Variants in NRK observed in about 807,000 individuals in gnomAD.
NRK encodes the protein Nik related kinase.
NRK carries 67 observed loss-of-function variants against 125.2 expected under a neutral mutation model. The ratio of observed to expected loss-of-function variants is 0.54; its 90% confidence interval spans 0.44 to 0.66. The LOEUF (loss-of-function observed/expected upper bound fraction) is 0.66, where lower values mean the gene tolerates loss of function less well. Ranked by LOEUF, NRK falls within the 30% of genes least tolerant of loss-of-function variation. The probability of loss-of-function intolerance (pLI) is 0.00; values close to 1 mark genes in which losing one functional copy is unlikely to be tolerated. For synonymous variants in NRK, 458 were observed against 429.0 expected, an observed-to-expected ratio of 1.07 and a Z score of -0.84; for missense variants, 1,224 against 1,192.9, an observed-to-expected ratio of 1.03 and a Z score of -0.38.
chrX:105,940,785 C>G (rs2040729428), intron 23 of NRK, among the ~76,000 whole-genome samples: 1 of 111,459 alleles, frequency 9.0e-6, no homozygotes, highest in South Asian at 3.7e-4. Context: ...GCTTCTTTCC[C>G]TCTTCATTAA....
At chrX:105,939,536 G>A (rs2040708897) in intron 22 of NRK, among the ~76,000 whole-genome samples, 1 of 111,074 alleles carries the variant, frequency 9.0e-6, no homozygotes, top group Non-Finnish European at 1.9e-5. Context: ...GAACTCCAGA[G>A]GAGTTATGAC....
intron 2 of NRK, among the ~76,000 whole-genome samples, chrX:105,873,573 T>A (rs1336308932): frequency 1.8e-5 from 2 of 112,014 alleles, no homozygotes; most frequent in African/African-American, 6.5e-5. Flanking sequence ...AATTTTACAC[T>A]GAAATTTCTG....
rs369821864 is a variant in NRK, at chrX:105,881,737, G to A, written c.210G>A (p.Val70=). ...CTTTACCTGAAATAGGAAGGCGAGT[G>A]AGAGTGAATAAATATCAAAAATCTG... The part of the protein sequence containing the change: ...KTPLPEIGRR[V]RVNKYQKSVG... The change falls in exon 4 of 29, where the codon GTG becomes GTA. Residue 70 remains valine, a synonymous_variant. Transcript: ENST00000243300. 9.5e-6 allele frequency: 11 copies of A among 1,156,097 alleles called. No homozygotes were observed. The highest frequency in any genetic ancestry group is 2.5e-5 in the Admixed American group (1 of 39,799).
intron 8 of NRK, 130 bp downstream of exon 8, chrX:105,898,844 A>ATTTCC: frequency 6.4e-6 from 3 of 468,476 alleles, no homozygotes; most frequent in Non-Finnish European, 1.0e-5. Flanking sequence ...CTAGTAGGAA[A>ATTTCC]TACAAGCCTC....
rs767711174 is a variant in NRK, at chrX:105,885,045, C to T, written c.253-3249C>T. Among the ~76,000 whole-genome samples, 3 of 112,145 alleles carry T rather than the reference C, an allele frequency of 2.7e-5. No homozygotes were observed. In the East Asian group the frequency reaches 8.4e-4, roughly 31 times the overall value. The stretch of plus-strand genomic sequence containing the variant: ...ACCTCAAGTGATCCACCTGCCTTAG[C>T]CTCCCAGAGTGCTGGAATTACAGGT... On this transcript the variant is annotated intron_variant, in intron 4 of 28. Coordinates refer to ENST00000243300, the MANE Select transcript of NRK (RefSeq NM_198465.4).
intron 2 of NRK, among the ~76,000 whole-genome samples, chrX:105,856,676 C>T (rs1289797925): frequency 9.0e-6 from 1 of 111,394 alleles, no homozygotes; most frequent in Non-Finnish European, 1.9e-5. Context: ...TTAGGTACAG[C>T]AGTATCTAAA....
At chrX:105,826,377 T>TATA (rs1260289846) in intron 1 of NRK, among the ~76,000 whole-genome samples, 36 of 77,895 alleles carry the variant, frequency 4.6e-4, no homozygotes, top group Non-Finnish European at 6.5e-4. Flanking sequence ...ATTATATATA[T>TATA]TATCATATAT....
intron 2 of NRK, among the ~76,000 whole-genome samples, chrX:105,836,562 A>G: frequency 8.9e-6 from 1 of 112,283 alleles, no homozygotes; most frequent in East Asian, 2.8e-4. Flanking sequence ...CCCTCATGGA[A>G]AACAATCTGG....
chrX:105,878,512 A>T (rs1229438151), intron 2 of NRK, among the ~76,000 whole-genome samples: 2 of 111,294 alleles, frequency 1.8e-5, no homozygotes, highest in East Asian at 5.7e-4. Flanking sequence ...TAAAAGAGAA[A>T]ATTGTTTCTA....
intron 16 of NRK, among the ~76,000 whole-genome samples, chrX:105,919,002 GAAAA>G (rs57376881): frequency 5.1e-5 from 2 of 39,492 alleles, no homozygotes; most frequent in African/African-American, 1.8e-4. Context: ...ATGGTTTCCT[GAAAA>G]AAAAAAAAAA....
chrX:105,921,372 C>T (rs1225967992), intron 16 of NRK, among the ~76,000 whole-genome samples: 2 of 105,856 alleles, frequency 1.9e-5, no homozygotes, highest in Non-Finnish European at 3.9e-5. Context: ...GGGAGATATA[C>T]CTAATACTAG....
At chrX:105,917,915 G>A (rs2040386983) in intron 16 of NRK, among the ~76,000 whole-genome samples, 1 of 110,784 alleles carries the variant, frequency 9.0e-6, no homozygotes, top group Non-Finnish European at 1.9e-5. Flanking sequence ...TTAGGAATGT[G>A]TCTAAGAAGG....
intron 2 of NRK, among the ~76,000 whole-genome samples, chrX:105,865,713 A>G (rs1163859966): frequency 1.8e-5 from 2 of 111,578 alleles, no homozygotes; most frequent in South Asian, 3.7e-4. Context: ...TAAATCATCT[A>G]TCTTTACCAC....
chrX:105,918,732 T>A (rs999059609), intron 16 of NRK, among the ~76,000 whole-genome samples: 9 of 110,913 alleles, frequency 8.1e-5, no homozygotes, highest in African/African-American at 2.6e-4. Context: ...ATAAGGAAAT[T>A]CTGGATTAGA....
rs1271155174 is a variant in NRK at position 105,944,050 on chromosome X, G to A, written c.4059+9G>A. On this transcript the variant is annotated intron_variant, in intron 24 of 28. Transcript: ENST00000243300. ...AAAGCACTGCTATTAAAGTGAGTGAGCTCCTTTTTCTTTGGATTATATGAT... is the reference window on the plus strand; with the variant it reads ...AAAGCACTGCTATTAAAGTGAGTGAACTCCTTTTTCTTTGGATTATATGAT... 2.1e-6 allele frequency: 2 copies of A among 959,778 alleles called. No individual in the cohort carries two copies. The highest frequency in any genetic ancestry group is 1.5e-6 in the Non-Finnish European group (1 of 686,458). 79.1% of individuals were successfully genotyped at this position (959,778 alleles called of 1,213,427 possible). A position where few individuals can be genotyped will look rare whatever the true frequency, so the allele number is the denominator to read the frequency against.
intron 19 of NRK, among the ~76,000 whole-genome samples, chrX:105,926,720 G>A (rs1202675390): frequency 9.0e-6 from 1 of 110,888 alleles, no homozygotes; most frequent in African/African-American, 3.3e-5. Flanking sequence ...TGGATATTTA[G>A]TTCTCCCAGC....
At chrX:105,935,473 ATT>A in intron 21 of NRK, 148 bp downstream of exon 21, 1 of 398,661 alleles carries the variant, frequency 2.5e-6, no homozygotes, top group Non-Finnish European at 4.1e-6. Flanking sequence ...GGTTTTGCTG[ATT>A]TTTTTTTTCA....
At chrX:105,872,029 A>T (rs189512756) in intron 2 of NRK, among the ~76,000 whole-genome samples, 1 of 111,007 alleles carries the variant, frequency 9.0e-6, no homozygotes, top group Non-Finnish European at 1.9e-5. Flanking sequence ...TATTTATTCA[A>T]CTCCAGGATC....
intron 20 of NRK, 84 bp downstream of exon 20, chrX:105,934,528 G>A: frequency 1.8e-6 from 1 of 546,761 alleles, no homozygotes; most frequent in Non-Finnish European, 2.9e-6. Flanking sequence ...TGATCTGTTA[G>A]GAATCAAATT....
Sources: gnomAD v4.1 joint callset for allele counts (sites outside exome capture counted in the v4.1 genomes callset) on GRCh38, gnomAD v4.1.1 for gene constraint, MANE v1.5 for transcripts, NCBI Gene and HGNC (gene_info 2026-07-23, HGNC 2026-07-21) for gene names.